FAM193A: variants seen among roughly 807,000 people sequenced by gnomAD.
FAM193A encodes protein FAM193A.
FAM193A carries 22 observed loss-of-function variants against 126.5 expected under a neutral mutation model. That is an observed-to-expected ratio of 0.17 (90% CI 0.12 to 0.25). The LOEUF is 0.25. Among genes scored for constraint, FAM193A ranks in the 10% least tolerant of loss-of-function variants. The pLI is 1.00. For missense variants in FAM193A, 1,675 were observed against 1,672.8 expected, an observed-to-expected ratio of 1.00 and a Z score of -0.02; for synonymous variants, 761 against 646.8, an observed-to-expected ratio of 1.18 and a Z score of -2.68.
chr4:2,691,373 G>A lies in FAM193A; in HGVS notation c.2803+403G>A, dbSNP rs1377519703. Among the ~76,000 whole-genome samples, 5 of 152,266 alleles carry A rather than the reference G, an allele frequency of 3.3e-5. No individual in the cohort carries two copies. In the East Asian group the frequency reaches 9.7e-4, roughly 29 times the overall value. Reference sequence around the variant, plus strand: ...TGGGACTATAGGTGCCCACCACCACGCACGGCTAATTTCTGTATTTTTTGG... The same window carrying A: ...TGGGACTATAGGTGCCCACCACCACACACGGCTAATTTCTGTATTTTTTGG... On this transcript the variant is annotated intron_variant, in intron 15 of 20. Transcript: ENST00000637812.
At position 2,703,182 on chromosome 4, in the gene FAM193A, C is replaced by G. The variant is rs79730507; in HGVS notation, c.4372+2638C>G. Among the ~76,000 whole-genome samples the G allele has an allele frequency of 3.9e-5, 6 of 152,230 alleles. No homozygotes were observed. The East Asian group carries it at 9.6e-4, about 24-fold the overall frequency. ...GACACGGTACTCCATTTAAAGTGTA[C>G]GATGATTTCTGCAGTCACTCTTCTT... is the stretch of plus-strand genomic sequence containing the variant. On this transcript the variant is annotated intron_variant, in intron 19 of 20. Coordinates refer to ENST00000637812, the MANE Select transcript of FAM193A (RefSeq NM_001366318.2).
At chr4:2,695,340 A>T (rs757393636) in intron 17 of FAM193A, among the ~76,000 whole-genome samples, 3 of 152,176 alleles carry the variant, frequency 2.0e-5, no homozygotes, top group Non-Finnish European at 2.9e-5. Context: ...GGTAACTGGT[A>T]AATCAGCAGT....
chr4:2,625,910 G>C (rs1017416992), intron 3 of FAM193A, among the ~76,000 whole-genome samples: 1 of 152,026 alleles, frequency 6.6e-6, no homozygotes, highest in Non-Finnish European at 1.5e-5. Context: ...ATTTTATAGA[G>C]ATGGGGCTTC....
At chr4:2,637,119 G>A (rs1024377750) in intron 5 of FAM193A, among the ~76,000 whole-genome samples, 3 of 152,184 alleles carry the variant, frequency 2.0e-5, no homozygotes, top group Non-Finnish European at 4.4e-5. Context: ...TTGAGCCCAG[G>A]AGTTCAAGAC....
At chr4:2,577,175 CG>C (rs1739635719) in intron 1 of FAM193A, among the ~76,000 whole-genome samples, 1 of 151,444 alleles carries the variant, frequency 6.6e-6, no homozygotes, top group African/African-American at 2.4e-5. Flanking sequence ...TTTTTTGAGA[CG>C]AAGCCTCGCT....
At chr4:2,584,219 G>C (rs1042720795) in intron 1 of FAM193A, among the ~76,000 whole-genome samples, 2 of 151,990 alleles carry the variant, frequency 1.3e-5, no homozygotes, top group Non-Finnish European at 2.9e-5. Context: ...TCTCCCTATG[G>C]AATCACCTTG....
At chr4:2,550,951 C>T (rs1323725961) in intron 1 of FAM193A, among the ~76,000 whole-genome samples, 1 of 152,060 alleles carries the variant, frequency 6.6e-6, no homozygotes, top group Non-Finnish European at 1.5e-5. Flanking sequence ...CAGGCGTCCG[C>T]CACCACACCT....
chr4:2,626,631 T>C, intron 4 of FAM193A, 54 bp downstream of exon 4: 1 of 664,456 alleles, frequency 1.5e-6, no homozygotes. Context: ...CCCTCCCTGC[T>C]GCACTTGGAG....
chr4:2,636,433 T>C (rs895711548), intron 5 of FAM193A, among the ~76,000 whole-genome samples: 22 of 150,304 alleles, frequency 1.5e-4, no homozygotes, highest in African/African-American at 5.4e-4. Context: ...CGCGGGAGAG[T>C]TTCTTAATGG....
chr4:2,644,939 G>A (rs1744985199), intron 6 of FAM193A, among the ~76,000 whole-genome samples: 1 of 151,918 alleles, frequency 6.6e-6, no homozygotes, highest in Admixed American at 6.6e-5. Context: ...TTTTCCCTAT[G>A]TCCACTATAC....
At chr4:2,643,514 TA>T (rs1287947338) in intron 6 of FAM193A, among the ~76,000 whole-genome samples, 6 of 145,018 alleles carry the variant, frequency 4.1e-5, no homozygotes, top group African/African-American at 1.6e-4. Flanking sequence ...CCATGTACTT[TA>T]AAATTTTTTC....
intron 1 of FAM193A, among the ~76,000 whole-genome samples, chr4:2,570,178 G>C (rs929495433): frequency 9.2e-5 from 14 of 152,080 alleles, no homozygotes; most frequent in African/African-American, 3.1e-4. Flanking sequence ...AGTAGTGAAT[G>C]TTCGTAGTCT....
chr4:2,584,029 G>C (rs1307681474), intron 1 of FAM193A, among the ~76,000 whole-genome samples: 1 of 152,048 alleles, frequency 6.6e-6, no homozygotes, highest in Admixed American at 6.6e-5. Flanking sequence ...AGAGATCTTT[G>C]TCTACTCCAA....
chr4:2,636,884 G>A (rs1472265828), intron 5 of FAM193A, among the ~76,000 whole-genome samples: 1 of 152,162 alleles, frequency 6.6e-6, no homozygotes, highest in Non-Finnish European at 1.5e-5. Flanking sequence ...TGTTTTTGCT[G>A]AACTCACTGG....
At chr4:2,668,213 CT>C (rs71644347) in intron 12 of FAM193A, among the ~76,000 whole-genome samples, 11,754 of 137,458 alleles carry the variant, frequency 0.086, 781 homozygotes, top group African/African-American at 0.2. Context: ...CAATATGCAT[CT>C]TTTTTTTTTT....
chr4:2,707,784 C>T (rs959951077), intron 19 of FAM193A, among the ~76,000 whole-genome samples: 1 of 149,256 alleles, frequency 6.7e-6, no homozygotes, highest in East Asian at 2.0e-4. Flanking sequence ...GCAATCTCGG[C>T]TCACTGCAAC....
chr4:2,728,819 A>G (rs1341149843), intron 20 of FAM193A, among the ~76,000 whole-genome samples: 6 of 152,108 alleles, frequency 3.9e-5, no homozygotes, highest in Non-Finnish European at 7.4e-5. Context: ...ACAGTTTATT[A>G]AAACATTCAA....
chr4:2,661,478 T>C (rs1056299764), intron 10 of FAM193A, among the ~76,000 whole-genome samples: 2 of 152,182 alleles, frequency 1.3e-5, no homozygotes, highest in African/African-American at 4.8e-5. Flanking sequence ...TTCTCATCTG[T>C]AAATTGTGCC....
intron 2 of FAM193A, 103 bp downstream of exon 2, chr4:2,596,432 G>A (rs1282063944): frequency 6.2e-6 from 4 of 640,272 alleles, no homozygotes; most frequent in African/African-American, 3.6e-5. Flanking sequence ...GCTTCAGGGG[G>A]CACTCCCTCC....
Sources: allele counts gnomAD v4.1 joint callset (sites outside exome capture counted in the v4.1 genomes callset), GRCh38; gene constraint gnomAD v4.1.1; transcripts MANE v1.5; gene names NCBI Gene and HGNC (gene_info 2026-07-23, HGNC 2026-07-21).